Variants in OTUD7A observed in about 807,000 individuals in gnomAD.
The protein encoded by OTUD7A is OTU domain-containing protein 7A.
In OTUD7A, 12 loss-of-function variants were observed where a neutral mutation model predicts 65.7. The ratio of observed to expected loss-of-function variants is 0.18; its 90% CI spans 0.12 to 0.30. The LOEUF is 0.30. Ranked by LOEUF, OTUD7A falls within the 10% of genes least tolerant of loss-of-function variation. The pLI is 1.00. For synonymous variants in OTUD7A, 641 were observed against 586.3 expected (o/e 1.09, Z -1.35); for missense variants, 1,148 against 1,304.8 (o/e 0.88, Z 1.85).
Position 31,868,256 on chromosome 15 carries a change from G to T in OTUD7A, c.-100+2251C>A, listed in dbSNP as rs1244557381. Reference sequence around the variant, plus strand: ...GGCTTTAAAGCGGTTGTTTTAAAATGTTTTGGGGAAATAAGTGACCCATAC... The same window carrying T: ...GGCTTTAAAGCGGTTGTTTTAAAATTTTTTGGGGAAATAAGTGACCCATAC... On this transcript the variant is annotated intron_variant, in intron 1 of 12. Transcript: ENST00000307050. 3.3e-5 allele frequency among the ~76,000 whole-genome samples: 5 copies of T among 152,312 alleles called. No individual in the cohort carries two copies. In the East Asian group the frequency reaches 7.7e-4, roughly 23 times the overall value.
chr15:31,483,398 C>G lies in OTUD7A; in HGVS notation c.2698G>C (p.Glu900Gln). ...GCGCGCCCGTAGAACGCACAGTTCT[C>G]GCGCTGGCAGCGCCGCTGCACCGGC... Reference protein sequence around the residue: ...PGPVQRRCQRENCAFYGRAET... With the variant: ...PGPVQRRCQRQNCAFYGRAET... Residue 900 changes from glutamate to glutamine, a missense_variant, in exon 13 of 13, where the codon GAG (glutamate) becomes CAG (glutamine). By Grantham distance (29) the Glu-to-Gln change is conservative. Around this residue, in one of 6 missense-constraint regions of OTUD7A, gnomAD observed 842 missense variants for 769.5 expected, o/e 1.09. Transcript: ENST00000307050. The G allele has an allele frequency of 7.4e-7, 1 of 1,347,360 alleles. No homozygotes were observed. 83.5% of individuals were successfully genotyped at this position (1,347,360 alleles called of 1,614,324 possible).
At chr15:31,835,377 C>A (rs1441403152) in intron 1 of OTUD7A, among the ~76,000 whole-genome samples, 1 of 152,172 alleles carries the variant, frequency 6.6e-6, no homozygotes, top group Admixed American at 6.5e-5. Context: ...GTATTATTAT[C>A]ATCTTCCAGC....
chr15:31,696,168 T>G (rs1448208971), intron 1 of OTUD7A, among the ~76,000 whole-genome samples: 2 of 138,568 alleles, frequency 1.4e-5, no homozygotes, highest in East Asian at 2.6e-4. Context: ...GGGCTGGGGG[T>G]GGACAGGCAG....
chr15:31,789,658 C>T (rs1156429151), intron 1 of OTUD7A, among the ~76,000 whole-genome samples: 1 of 151,102 alleles, frequency 6.6e-6, no homozygotes, highest in Non-Finnish European at 1.5e-5. Flanking sequence ...AGAAAAATTG[C>T]AGTTACTGGG....
intron 1 of OTUD7A, chr15:31,766,342 G>A: frequency 6.3e-7 from 1 of 1,595,666 alleles, no homozygotes. Flanking sequence ...AGCTTTCTAT[G>A]ATTTGGTGGG....
chr15:31,540,243 T>C (rs1887945023), intron 5 of OTUD7A, among the ~76,000 whole-genome samples: 1 of 152,216 alleles, frequency 6.6e-6, no homozygotes, highest in African/African-American at 2.4e-5. Flanking sequence ...ACACTTTCCA[T>C]GGCAGACACG....
At chr15:31,782,850 G>C (rs573889556) in intron 1 of OTUD7A, among the ~76,000 whole-genome samples, 1 of 152,302 alleles carries the variant, frequency 6.6e-6, no homozygotes, top group South Asian at 2.1e-4. Context: ...AGGATCAGAG[G>C]TCCCTGTGGA....
At chr15:31,565,171 C>G (rs1186548501) in intron 4 of OTUD7A, among the ~76,000 whole-genome samples, 1 of 152,094 alleles carries the variant, frequency 6.6e-6, no homozygotes, top group Admixed American at 6.5e-5. Flanking sequence ...TTCAATATAG[C>G]TTGAATAATA....
intron 4 of OTUD7A, among the ~76,000 whole-genome samples, chr15:31,566,646 T>C (rs1888884722): frequency 6.6e-6 from 1 of 152,148 alleles, no homozygotes; most frequent in South Asian, 2.1e-4. Context: ...GGGGGTCTGG[T>C]GGGAGGTGTG....
intron 3 of OTUD7A, among the ~76,000 whole-genome samples, chr15:31,618,047 T>G (rs1890650529): frequency 6.6e-6 from 1 of 152,060 alleles, no homozygotes; most frequent in South Asian, 2.1e-4. Context: ...TTTGTTCTTG[T>G]GATAGTTTGC....
Position 31,492,582 on chromosome 15 carries a change from C to CA in OTUD7A, c.1172-5017dup, listed in dbSNP as rs60414638. 1.9e-3 allele frequency among the ~76,000 whole-genome samples: 237 copies of CA among 121,560 alleles called. 2 individuals are homozygous for CA. The highest frequency in any genetic ancestry group is 7.0e-3 in the South Asian group (26 of 3,698). 79.7% of individuals were successfully genotyped at this position (121,560 alleles called of 152,430 possible). A position where few individuals can be genotyped will look rare whatever the true frequency, so the allele number is the denominator to read the frequency against. On this transcript the variant is annotated intron_variant, in intron 10 of 12. Coordinates refer to ENST00000307050, the MANE Select transcript of OTUD7A (RefSeq NM_001382637.1). ...TGAGTGACAGAGTGAGACTCTGTCT[C>CA]AAAAAAAAAAAAAAAAACAAATCTC...
At chr15:31,662,523 T>TA (rs1431116246) in intron 1 of OTUD7A, among the ~76,000 whole-genome samples, 1 of 152,250 alleles carries the variant, frequency 6.6e-6, no homozygotes, top group African/African-American at 2.4e-5. Context: ...GTGTAGCTGA[T>TA]AGAGTCTTTT....
At chr15:31,658,028 GCAGTGCCGTGTGGGGA>G (rs1332589152) in intron 1 of OTUD7A, among the ~76,000 whole-genome samples, 1 of 152,150 alleles carries the variant, frequency 6.6e-6, no homozygotes, top group African/African-American at 2.4e-5. Context: ...CTTAGGAGGG[GCAGTGCCGTGTGGGGA>G]CAGAGCGTTG....
At position 31,487,130 on chromosome 15, in the gene OTUD7A, T is replaced by A; in HGVS notation, c.1371+64A>T. ...GAGCATTTGGGAGGATGCACCCTGG[T>A]CAGACTGGAGCTGAGCAGCCTGGAC... is the stretch of plus-strand genomic sequence containing the variant. On this transcript the variant is annotated intron_variant, in intron 12 of 12. Transcript: ENST00000307050. This position sits in a 1 kb window ranked among gnomAD's most constrained non-coding sequence, Gnocchi z 6.0. The A allele has an allele frequency of 6.6e-7, 1 of 1,503,978 alleles. No homozygotes were observed. The highest frequency in any genetic ancestry group is 9.2e-7 in the Non-Finnish European group (1 of 1,090,048). 93.2% of individuals were successfully genotyped at this position (1,503,978 alleles called of 1,614,324 possible).
chr15:31,714,159 A>G (rs1045757460), intron 1 of OTUD7A, among the ~76,000 whole-genome samples: 2 of 149,850 alleles, frequency 1.3e-5, no homozygotes, highest in Non-Finnish European at 3.0e-5. Context: ...ACACCTGTGC[A>G]CCAAAAAATA....
chr15:31,637,425 T>A (rs1373050797), intron 3 of OTUD7A, among the ~76,000 whole-genome samples: 2 of 152,196 alleles, frequency 1.3e-5, no homozygotes, highest in African/African-American at 4.8e-5. Flanking sequence ...TACTGCTCAT[T>A]TGACAATGCA....
intron 3 of OTUD7A, among the ~76,000 whole-genome samples, chr15:31,617,663 T>C (rs1890633654): frequency 6.6e-6 from 1 of 152,188 alleles, no homozygotes; most frequent in African/African-American, 2.4e-5. Context: ...ACTGTAGTTC[T>C]AGTTACCTCT....
At chr15:31,680,043 T>C (rs1892677692) in intron 1 of OTUD7A, among the ~76,000 whole-genome samples, 1 of 152,132 alleles carries the variant, frequency 6.6e-6, no homozygotes, top group South Asian at 2.1e-4. Flanking sequence ...GTCATAATGA[T>C]GAAAATACAA....
At chr15:31,796,284 CAT>C (rs1420467317) in intron 1 of OTUD7A, among the ~76,000 whole-genome samples, 2 of 152,018 alleles carry the variant, frequency 1.3e-5, no homozygotes, top group Admixed American at 1.3e-4. Flanking sequence ...AATTGGCTCA[CAT>C]GATTGCGGGG....
Sources: gnomAD v4.1 joint callset for allele counts (sites outside exome capture counted in the v4.1 genomes callset) on GRCh38, gnomAD v4.1.1 for gene constraint, gnomAD v4.1.1 regional missense constraint, Gnocchi (gnomAD v3.1) non-coding constraint, MANE v1.5 for transcripts, NCBI Gene and HGNC (gene_info 2026-07-23, HGNC 2026-07-21) for gene names.